The following BBX variants were observed in gnomAD, a reference collection of about 807,000 sequenced individuals.
BBX encodes the protein HMG box transcription factor BBX.
BBX carries 30 observed loss-of-function variants against 100.2 expected under a neutral mutation model. The ratio of observed to expected loss-of-function variants is 0.30; its 90% CI spans 0.22 to 0.41. The LOEUF is 0.41. Ranked by LOEUF, BBX falls within the 10% of genes least tolerant of loss-of-function variation. BBX has a pLI of 1.00. For synonymous variants in BBX, 376 were observed against 388.1 expected (o/e 0.97, Z 0.37); for missense variants, 1,023 against 1,129.8 (o/e 0.91, Z 1.35).
intron 2 of BBX, among the ~76,000 whole-genome samples, chr3:107,568,024 A>C (rs2051051340): frequency 6.6e-6 from 1 of 151,946 alleles, no homozygotes; most frequent in African/African-American, 2.4e-5. Context: ...ATTAAAAAAA[A>C]AAAAGGAAAA....
intron 2 of BBX, among the ~76,000 whole-genome samples, chr3:107,583,223 T>C (rs1388402106): frequency 1.3e-5 from 2 of 152,046 alleles, no homozygotes; most frequent in Non-Finnish European, 2.9e-5. Flanking sequence ...TACTGTTTTG[T>C]ATTTTGAGTA....
intron 16 of BBX, 47 bp downstream of exon 16, chr3:107,798,767 C>A: frequency 6.5e-7 from 1 of 1,543,098 alleles, no homozygotes; most frequent in Non-Finnish European, 8.9e-7. Context: ...CTTTTAGCTT[C>A]CCTGGGCCAC....
chr3:107,551,514 G>C (rs1309557898), intron 2 of BBX, among the ~76,000 whole-genome samples: 1 of 152,202 alleles, frequency 6.6e-6, no homozygotes, highest in African/African-American at 2.4e-5. Context: ...TTCACATCTA[G>C]CATAAATGTA....
intron 2 of BBX, among the ~76,000 whole-genome samples, chr3:107,628,892 G>A (rs1253911568): frequency 6.6e-6 from 1 of 152,216 alleles, no homozygotes; most frequent in African/African-American, 2.4e-5. Flanking sequence ...GCATCTTTTT[G>A]CCTAGAGAAA....
chr3:107,715,059 C>T (rs2062006552), intron 4 of BBX, among the ~76,000 whole-genome samples: 1 of 152,198 alleles, frequency 6.6e-6, no homozygotes, highest in South Asian at 2.1e-4. Context: ...GCTGGGATTA[C>T]AGGCATGAGC....
intron 5 of BBX, among the ~76,000 whole-genome samples, chr3:107,726,539 C>G (rs550774511): frequency 1.3e-5 from 2 of 151,994 alleles, no homozygotes; most frequent in East Asian, 1.9e-4. Context: ...TATTGTGATA[C>G]AGTTACAGAG....
chr3:107,801,252 T>C lies in BBX; in HGVS notation c.2709T>C (p.Ala903=). ...CGTTCTTTAGCCTCGCTGCGCTGGC[T>C]GAAGTGGCAGCCATGGAAAATGTGC... ...VSAFFSLAAL[A]EVAAMENVHR... The change falls in exon 17 of 18, where the codon GCT becomes GCC. Residue 903 remains alanine (A), a synonymous_variant. Transcript: ENST00000325805. 2 of 1,614,114 alleles carry C rather than the reference T, an allele frequency of 1.2e-6. No homozygotes were observed. The highest frequency in any genetic ancestry group is 2.2e-5 in the South Asian group (2 of 91,068).
chr3:107,665,065 A>G (rs556737639), intron 3 of BBX, among the ~76,000 whole-genome samples: 2 of 152,218 alleles, frequency 1.3e-5, no homozygotes, highest in African/African-American at 4.8e-5. Flanking sequence ...TCTGATCTCA[A>G]TATTTTGCGT....
rs752943405 is a variant in BBX at position 107,728,752 on chromosome 3, G to A, written c.406-13G>A. 1.7e-5 allele frequency: 27 copies of A among 1,591,916 alleles called. No individual in the cohort carries two copies. Among genetic ancestry groups the A allele is most frequent in the East Asian group, 9.0e-5 (4 of 44,672 alleles). On this transcript the variant is annotated splice_polypyrimidine_tract_variant and intron_variant, in intron 5 of 17. Transcript: ENST00000325805. ...TGTTAATTAAAATCTGCTGTCTGTCGTTTTATTTATAGTATAAGGATGCAT... is the reference window on the plus strand; with the variant it reads ...TGTTAATTAAAATCTGCTGTCTGTCATTTTATTTATAGTATAAGGATGCAT...
rs192464936 is a variant in BBX at position 107,598,465 on chromosome 3, A to G, written c.-83-47371A>G. 1.8e-4 allele frequency among the ~76,000 whole-genome samples: 28 copies of G among 152,320 alleles called. 1 individual carries two copies. The highest frequency in any genetic ancestry group is 1.8e-3 in the Admixed American group (27 of 15,302). On this transcript the variant is annotated intron_variant, in intron 2 of 17. Transcript: ENST00000325805. ...CTAGTACTTTGGCAAAGCAGATCTA[A>G]AATAGCTTAATATAGGGAACTACTT...
At chr3:107,739,611 C>T (rs985685513) in intron 7 of BBX, among the ~76,000 whole-genome samples, 9 of 152,158 alleles carry the variant, frequency 5.9e-5, no homozygotes, top group Admixed American at 5.2e-4. Context: ...TCGTTGGGCT[C>T]TCAGAGATGA....
chr3:107,580,985 G>A (rs2052235812), intron 2 of BBX, among the ~76,000 whole-genome samples: 1 of 152,136 alleles, frequency 6.6e-6, no homozygotes. Flanking sequence ...TCAGTCTTCT[G>A]TAACTATGCA....
chr3:107,570,095 C>T (rs985443663), intron 2 of BBX, among the ~76,000 whole-genome samples: 1 of 152,190 alleles, frequency 6.6e-6, no homozygotes, highest in Non-Finnish European at 1.5e-5. Context: ...ATTTCCAGCA[C>T]TTGAAGCAAG....
chr3:107,576,959 C>T (rs1178952594), intron 2 of BBX, among the ~76,000 whole-genome samples: 3 of 152,088 alleles, frequency 2.0e-5, no homozygotes, highest in Non-Finnish European at 4.4e-5. Flanking sequence ...CTCCTGGGTT[C>T]GAGCAATTCT....
chr3:107,792,249 G>A (rs536825921), intron 15 of BBX, among the ~76,000 whole-genome samples: 3 of 152,032 alleles, frequency 2.0e-5, no homozygotes, highest in Admixed American at 6.5e-5. Context: ...TGACATTTTT[G>A]TAGGGCTTAA....
chr3:107,737,157 T>C (rs541758300), intron 7 of BBX, among the ~76,000 whole-genome samples: 2 of 152,256 alleles, frequency 1.3e-5, no homozygotes, highest in East Asian at 3.9e-4. Context: ...TAAGGCACTT[T>C]TAACTCTCCT....
intron 10 of BBX, among the ~76,000 whole-genome samples, chr3:107,761,014 A>C (rs901313987): frequency 2.0e-5 from 3 of 152,196 alleles, no homozygotes; most frequent in African/African-American, 7.2e-5. Context: ...TCTCCAAATG[A>C]CTGTCCTCTC....
At chr3:107,585,658 T>C (rs2052776786) in intron 2 of BBX, among the ~76,000 whole-genome samples, 1 of 152,122 alleles carries the variant, frequency 6.6e-6, no homozygotes, top group Non-Finnish European at 1.5e-5. Context: ...TTTTGGAAAA[T>C]GTTTTATCAA....
At chr3:107,800,624 G>A (rs898889161) in intron 16 of BBX, among the ~76,000 whole-genome samples, 2 of 152,198 alleles carry the variant, frequency 1.3e-5, no homozygotes, top group African/African-American at 4.8e-5. Flanking sequence ...ACTGGTTAAT[G>A]TGCTGTATAG....
Sources: gnomAD v4.1 joint callset for allele counts (sites outside exome capture counted in the v4.1 genomes callset) on GRCh38, gnomAD v4.1.1 for gene constraint, MANE v1.5 for transcripts, NCBI Gene and HGNC (gene_info 2026-07-23, HGNC 2026-07-21) for gene names.